CYFIP2: variants seen among roughly 807,000 people sequenced by gnomAD.
CYFIP2 encodes cytoplasmic FMR1 interacting protein 2, also known as cytoplasmic FMR1-interacting protein 2.
A neutral mutation model predicts 158.7 loss-of-function variants in CYFIP2; 29 were observed. The ratio of observed to expected loss-of-function variants is 0.18; its 90% confidence interval spans 0.14 to 0.25. The LOEUF is 0.25. Among genes scored for constraint, CYFIP2 ranks in the 10% least tolerant of loss-of-function variants. CYFIP2 has a pLI of 1.00. For missense variants in CYFIP2, 852 were observed against 1,639.5 expected (o/e 0.52, Z 8.29); for synonymous variants, 585 against 617.6 (o/e 0.95, Z 0.78).
At chr5:157,338,474 A>C (rs2113224192) in intron 21 of CYFIP2, among the ~76,000 whole-genome samples, 1 of 152,376 alleles carries the variant, frequency 6.6e-6, no homozygotes, top group South Asian at 2.1e-4. Flanking sequence ...TTTGAAGTCA[A>C]GTTACTTAAC....
Position 157,341,168 on chromosome 5 carries a change from CTG to C in CYFIP2, c.2673+12_2673+13del. On this transcript the variant is annotated intron_variant, in intron 23 of 30. Transcript: ENST00000620254. ...CTCTATGGATCCAAGGTAAGTAGTC[CTG>C]CCCTACCCTGCCTAGAAGAGGGTTG... is the stretch of plus-strand genomic sequence containing the variant. 1 of 1,610,236 alleles carries C rather than the reference CTG, an allele frequency of 6.2e-7. No homozygotes were observed. Among genetic ancestry groups the C allele is most frequent in the Non-Finnish European group, 8.5e-7 (1 of 1,176,534 alleles).
chr5:157,323,082 C>T, intron 15 of CYFIP2: 4 of 1,427,016 alleles, frequency 2.8e-6, no homozygotes, highest in Non-Finnish European at 3.8e-6. Context: ...AATGGACTAG[C>T]CTGGCTCCTC....
intron 5 of CYFIP2, among the ~76,000 whole-genome samples, chr5:157,297,263 G>A (rs1363133543): frequency 1.3e-5 from 2 of 152,230 alleles, no homozygotes; most frequent in Non-Finnish European, 2.9e-5. Flanking sequence ...GAAATAAAAC[G>A]AAGTGCCTGG....
intron 10 of CYFIP2, among the ~76,000 whole-genome samples, chr5:157,310,399 G>T (rs1275844026): frequency 6.6e-6 from 1 of 152,036 alleles, no homozygotes; most frequent in Non-Finnish European, 1.5e-5. Context: ...TGTGCTTCTC[G>T]CCCGAAGTTA....
chr5:157,370,303 A>T (rs1764877246), intron 26 of CYFIP2, among the ~76,000 whole-genome samples: 1 of 152,218 alleles, frequency 6.6e-6, no homozygotes, highest in Non-Finnish European at 1.5e-5. Context: ...CTTAGTTGTC[A>T]CAGTTCTTGC....
chr5:157,368,910 T>C (rs1480471128), intron 26 of CYFIP2, among the ~76,000 whole-genome samples: 1 of 151,418 alleles, frequency 6.6e-6, no homozygotes. Flanking sequence ...TTGTTTTTTT[T>C]TTTTTTGAGA....
chr5:157,383,440 G>A (rs936762716), intron 28 of CYFIP2, 81 bp downstream of exon 28: 9 of 1,294,208 alleles, frequency 7.0e-6, no homozygotes, highest in African/African-American at 1.5e-5. Flanking sequence ...CATTGTACAG[G>A]TCAGGAAACT....
At position 157,316,839 on chromosome 5, in the gene CYFIP2, G is replaced by C. The variant is rs150793673; in HGVS notation, c.1356+1745G>C. ...CTTAAAGGGCCATACAAATGTAAGA[G>C]ATTAGAGTCGTCATCTCTCCAAGCT... On this transcript the variant is annotated intron_variant, in intron 13 of 30. Coordinates refer to ENST00000620254, the MANE Select transcript of CYFIP2 (RefSeq NM_001037333.3). Among the ~76,000 whole-genome samples the C allele has an allele frequency of 1.3e-3, 204 of 152,268 alleles. 2 individuals carry two copies. Among genetic ancestry groups the C allele is most frequent in the Admixed American group, 2.9e-3 (44 of 15,292 alleles).
At chr5:157,389,167 G>A (rs1767003731) in intron 28 of CYFIP2, 22 bp from the exon 29 acceptor site, 2 of 1,581,480 alleles carry the variant, frequency 1.3e-6, no homozygotes, top group Admixed American at 1.7e-5. Flanking sequence ...GATAGAAGGT[G>A]TATGTGCCCT....
intron 23 of CYFIP2, among the ~76,000 whole-genome samples, chr5:157,357,875 T>C (rs916314975): frequency 5.9e-5 from 9 of 151,770 alleles, no homozygotes; most frequent in Non-Finnish European, 1.2e-4. Flanking sequence ...TGAAACCTTA[T>C]GTAAAAAACT....
intron 1 of CYFIP2, among the ~76,000 whole-genome samples, chr5:157,280,783 C>T (rs1756935434): frequency 6.6e-6 from 1 of 151,810 alleles, no homozygotes; most frequent in Non-Finnish European, 1.5e-5. Context: ...AGAAGCAAAA[C>T]CCTGTGTCCT....
At chr5:157,378,701 T>C (rs1353666280) in intron 26 of CYFIP2, among the ~76,000 whole-genome samples, 4 of 152,162 alleles carry the variant, frequency 2.6e-5, no homozygotes, top group Non-Finnish European at 4.4e-5. Flanking sequence ...GTCCACAGGA[T>C]GGGGACAGTG....
chr5:157,309,918 T>A, intron 10 of CYFIP2, 84 bp downstream of exon 10: 1 of 1,274,324 alleles, frequency 7.8e-7, no homozygotes, highest in Non-Finnish European at 1.1e-6. Flanking sequence ...CAGCCCCTCC[T>A]CCCTCCCCAG....
chr5:157,386,701 T>G (rs796694484), intron 28 of CYFIP2, among the ~76,000 whole-genome samples: 2 of 152,242 alleles, frequency 1.3e-5, no homozygotes, highest in African/African-American at 4.8e-5. Context: ...GGGTGGATCA[T>G]GTGAGGTCAG....
intron 3 of CYFIP2, among the ~76,000 whole-genome samples, chr5:157,293,010 A>ATATGTATGTATG (rs57500401): frequency 7.3e-4 from 105 of 144,356 alleles, no homozygotes; most frequent in East Asian, 2.3e-3. Flanking sequence ...TTGAGCCCAG[A>ATATGTATGTATG]TATGTATGTA....
chr5:157,375,122 G>A (rs974095250), intron 26 of CYFIP2, among the ~76,000 whole-genome samples: 1 of 152,182 alleles, frequency 6.6e-6, no homozygotes, highest in Non-Finnish European at 1.5e-5. Context: ...CCTATCTAGT[G>A]CTATAAGACT....
At chr5:157,349,967 G>A (rs1201512819) in intron 23 of CYFIP2, among the ~76,000 whole-genome samples, 1 of 152,028 alleles carries the variant, frequency 6.6e-6, no homozygotes, top group African/African-American at 2.4e-5. Flanking sequence ...GGGATTGTTT[G>A]TTTGTTTGTT....
At chr5:157,312,094 G>T (rs967708658) in intron 11 of CYFIP2, among the ~76,000 whole-genome samples, 2 of 152,168 alleles carry the variant, frequency 1.3e-5, no homozygotes, top group Non-Finnish European at 2.9e-5. Context: ...ATAAGGGCCT[G>T]GTGATGGTTA....
At chr5:157,326,514 A>G (rs1358878528) in intron 18 of CYFIP2, among the ~76,000 whole-genome samples, 1 of 152,232 alleles carries the variant, frequency 6.6e-6, no homozygotes, top group African/African-American at 2.4e-5. Context: ...GAAGGGCTTC[A>G]TGTGCATGTG....
Sources: gnomAD v4.1 joint callset for allele counts (sites outside exome capture counted in the v4.1 genomes callset) on GRCh38, gnomAD v4.1.1 for gene constraint, MANE v1.5 for transcripts, NCBI Gene and HGNC (gene_info 2026-07-23, HGNC 2026-07-21) for gene names.